SASH1: variants seen among roughly 807,000 people sequenced by gnomAD.
SASH1 encodes the protein SAM and SH3 domain containing 1, also known as SAM and SH3 domain-containing protein 1.
Under a neutral mutation model 125.2 loss-of-function variants are expected in SASH1, and 44 were observed. That is an observed-to-expected ratio of 0.35 (90% CI 0.28 to 0.45). SASH1 has a LOEUF of 0.45. SASH1 is among the 20% of genes least tolerant of loss of function. SASH1 has a pLI of 1.00. For synonymous variants in SASH1, 639 were observed against 649.1 expected, an observed-to-expected ratio of 0.98 and a Z score of 0.24; for missense variants, 1,426 against 1,614.5, an observed-to-expected ratio of 0.88 and a Z score of 2.00.
chr6:148,290,898 AG>A (rs1435335535), intron 1 of SASH1, among the ~76,000 whole-genome samples: 9 of 150,164 alleles, frequency 6.0e-5, no homozygotes, highest in East Asian at 3.9e-4. Flanking sequence ...AAAAAAAAAA[AG>A]AAAGAGAAAA....
At chr6:148,308,097 T>C (rs1487319873) in intron 1 of SASH1, among the ~76,000 whole-genome samples, 1 of 152,128 alleles carries the variant, frequency 6.6e-6, no homozygotes, top group Non-Finnish European at 1.5e-5. Flanking sequence ...TATCTCTGGA[T>C]CCATCTTTTT....
chr6:148,456,342 G>A (rs567772078), intron 4 of SASH1, among the ~76,000 whole-genome samples: 5 of 152,176 alleles, frequency 3.3e-5, no homozygotes, highest in Non-Finnish European at 4.4e-5. Flanking sequence ...CCGCCCGAGC[G>A]TGTGGCAGCC....
the SASH1 span, among the ~76,000 whole-genome samples, chr6:148,203,994 G>A: frequency 6.6e-6 from 1 of 152,192 alleles, no homozygotes; most frequent in African/African-American, 2.4e-5. Context: ...TTTGGGTTTT[G>A]TTGACTGATG....
intron 4 of SASH1, among the ~76,000 whole-genome samples, chr6:148,452,684 T>C (rs549616176): frequency 5.9e-5 from 8 of 136,008 alleles, no homozygotes; most frequent in Non-Finnish European, 3.3e-5. Context: ...CGATAGGTGC[T>C]CACATTCTGC....
intron 8 of SASH1, among the ~76,000 whole-genome samples, chr6:148,508,049 C>G (rs762567517): frequency 6.6e-6 from 1 of 152,174 alleles, no homozygotes; most frequent in Non-Finnish European, 1.5e-5. Flanking sequence ...TCTTGTGACA[C>G]GGTCCTCATG....
chr6:148,446,538 C>T (rs1776802578), intron 4 of SASH1, among the ~76,000 whole-genome samples: 1 of 152,178 alleles, frequency 6.6e-6, no homozygotes, highest in Non-Finnish European at 1.5e-5. Flanking sequence ...AGATGTCTGA[C>T]AAGCTGTGTG....
the SASH1 span, among the ~76,000 whole-genome samples, chr6:148,215,277 AC>A: frequency 6.6e-6 from 1 of 152,232 alleles, no homozygotes; most frequent in Admixed American, 6.5e-5. Flanking sequence ...CTGGAAAAAA[AC>A]AACCCAGTTT....
At chr6:148,307,080 CTTTCTTTCTTTCTT>C (rs1780160038) in intron 1 of SASH1, among the ~76,000 whole-genome samples, 4 of 145,130 alleles carry the variant, frequency 2.8e-5, no homozygotes, top group South Asian at 2.2e-4. Flanking sequence ...TTCTTTCTTT[CTTTCTTTCTTTCTT>C]TCTCTCTCTC....
At chr6:148,372,272 A>G (rs542120079) in intron 1 of SASH1, among the ~76,000 whole-genome samples, 6 of 152,314 alleles carry the variant, frequency 3.9e-5, no homozygotes, top group South Asian at 2.1e-4. Context: ...GTTTTGCAAT[A>G]TTATGCTCCT....
chr6:148,278,784 A>T (rs951901955), intron 1 of SASH1: 2 of 152,114 alleles, frequency 1.3e-5, no homozygotes, highest in African/African-American at 4.8e-5. Flanking sequence ...TATTTCTTAA[A>T]TAGTTAAAAA....
At chr6:148,266,755 C>T in the SASH1 span, among the ~76,000 whole-genome samples, 1 of 151,622 alleles carries the variant, frequency 6.6e-6, no homozygotes, top group Non-Finnish European at 1.5e-5. Flanking sequence ...TGTGCACCAC[C>T]ATGCCCAGCC....
chr6:148,315,708 T>A (rs1780463994), intron 1 of SASH1, among the ~76,000 whole-genome samples: 1 of 152,154 alleles, frequency 6.6e-6, no homozygotes, highest in South Asian at 2.1e-4. Flanking sequence ...ATTCGAGACC[T>A]GCCTGGGCAA....
At chr6:148,208,983 T>C in the SASH1 span, among the ~76,000 whole-genome samples, 2 of 152,368 alleles carry the variant, frequency 1.3e-5, no homozygotes, top group South Asian at 4.1e-4. Context: ...CTGCTGGGCA[T>C]CGATATTGAA....
chr6:148,436,546 C>T (rs1776297438), intron 2 of SASH1, among the ~76,000 whole-genome samples: 1 of 151,904 alleles, frequency 6.6e-6, no homozygotes, highest in Non-Finnish European at 1.5e-5. Flanking sequence ...AACAAAAAAC[C>T]AAAGGGGCAA....
At chr6:148,539,596 C>G (rs1405254456) in intron 16 of SASH1, among the ~76,000 whole-genome samples, 2 of 152,150 alleles carry the variant, frequency 1.3e-5, no homozygotes, top group African/African-American at 4.8e-5. Flanking sequence ...TCTTTATCCA[C>G]TCAGAATGAG....
chr6:148,302,660 T>TACACAC (rs1554231647), intron 1 of SASH1, among the ~76,000 whole-genome samples: 2 of 56,768 alleles, frequency 3.5e-5, no homozygotes, highest in Non-Finnish European at 7.3e-5. Context: ...TGTGTATATA[T>TACACAC]ATACACACAC....
At chr6:148,482,036 AT>A (rs750736862) in intron 7 of SASH1, among the ~76,000 whole-genome samples, 5 of 146,406 alleles carry the variant, frequency 3.4e-5, no homozygotes, top group South Asian at 2.2e-4. Context: ...AGGACATTCA[AT>A]CTTTTACTAA....
chr6:148,298,120 C>A (rs181559023), intron 1 of SASH1, among the ~76,000 whole-genome samples: 129 of 147,634 alleles, frequency 8.7e-4, no homozygotes, highest in African/African-American at 3.1e-3. Flanking sequence ...GATTCTCCTG[C>A]CTCAGCCTCC....
intron 1 of SASH1, among the ~76,000 whole-genome samples, chr6:148,343,799 G>T (rs944623064): frequency 3.9e-5 from 6 of 152,158 alleles, no homozygotes; most frequent in African/African-American, 1.4e-4. Flanking sequence ...GACTAAAAGC[G>T]CCCCTGGATT....
Sources: gnomAD v4.1 joint callset for allele counts (sites outside exome capture counted in the v4.1 genomes callset) on GRCh38, gnomAD v4.1.1 for gene constraint, MANE v1.5 for transcripts, NCBI Gene and HGNC (gene_info 2026-07-23, HGNC 2026-07-21) for gene names.